The following C1orf141 variants were observed in gnomAD, a reference collection of about 807,000 sequenced individuals.
C1orf141 encodes uncharacterized protein C1orf141.
A neutral mutation model predicts 23.2 loss-of-function variants in C1orf141; 19 were observed. The ratio of observed to expected loss-of-function variants is 0.82; its 90% CI spans 0.57 to 1.20. The LOEUF (loss-of-function observed/expected upper bound fraction) is 1.20. Among genes scored for constraint, C1orf141 ranks in the 50% most tolerant of loss-of-function variants. C1orf141 has a pLI of 0.00. For synonymous variants in C1orf141, 153 were observed against 154.6 expected (o/e 0.99, Z 0.08); for missense variants, 469 against 455.1 (o/e 1.03, Z -0.28).
In C1orf141 at chr1:67,093,571, C is replaced by T. The variant is rs1336566416; in HGVS notation, c.637G>A (p.Asp213Asn). Reference protein sequence around the residue: ...QKDTNPIIFHDTEYVRMLLLT... With the variant: ...QKDTNPIIFHNTEYVRMLLLT... ...AGTAACATTCGTACATATTCTGTGTCATGGAAAATTATGGGATTTGTGTCC... is the reference window on the plus strand; with the variant it reads ...AGTAACATTCGTACATATTCTGTGTTATGGAAAATTATGGGATTTGTGTCC... The change falls in exon 8 of 8, where the codon GAC becomes AAC. Residue 213 changes from aspartate (D) to asparagine (N), a missense_variant. This residue lies in a region of C1orf141 where 370 missense variants were observed against 348.1 expected (regional missense o/e 1.06). Coordinates refer to ENST00000684719, the MANE Select transcript of C1orf141 (RefSeq NM_001276351.2). 1 of 1,574,670 alleles carries T rather than the reference C, an allele frequency of 6.4e-7. No homozygotes were observed. The highest frequency in any genetic ancestry group is 1.9e-5 in the Admixed American group (1 of 53,550).
chr1:67,109,326 CAAAAAAAAAAAAAA>C (rs58157985), intron 5 of C1orf141, among the ~76,000 whole-genome samples: 3 of 83,424 alleles, frequency 3.6e-5, no homozygotes, highest in South Asian at 4.5e-4. Context: ...GACTCCGTCT[CAAAAAAAAAAAAAA>C]AAAAAAAAAA....
At chr1:67,111,718 C>T in intron 5 of C1orf141, 2 of 569,708 alleles carry the variant, frequency 3.5e-6, no homozygotes, top group Non-Finnish European at 5.9e-6. Flanking sequence ...ATTTTCTCCA[C>T]TGCAGTAAAC....
At chr1:67,114,036 T>C (rs1448826605) in intron 5 of C1orf141, among the ~76,000 whole-genome samples, 1 of 152,168 alleles carries the variant, frequency 6.6e-6, no homozygotes. Context: ...GGAAGCTTCA[T>C]GGCTTGAGAT....
At chr1:67,105,523 A>G (rs1274426096) in intron 5 of C1orf141, among the ~76,000 whole-genome samples, 1 of 152,002 alleles carries the variant, frequency 6.6e-6, no homozygotes, top group Non-Finnish European at 1.5e-5. Flanking sequence ...AAAAATAGTA[A>G]AGACTGGGGA....
intron 1 of C1orf141, among the ~76,000 whole-genome samples, chr1:67,131,905 C>G (rs1225223488): frequency 6.6e-6 from 1 of 151,534 alleles, no homozygotes; most frequent in Non-Finnish European, 1.5e-5. Flanking sequence ...CTGCCTCAGC[C>G]TCCTGAGTAG....
chr1:67,103,525 A>G (rs971396186), intron 5 of C1orf141: 21 of 484,182 alleles, frequency 4.3e-5, no homozygotes, highest in African/African-American at 3.8e-4. Context: ...ATATTTTAAA[A>G]TGTGATTTAT....
Position 67,127,216 on chromosome 1 carries a change from A to T in C1orf141, c.25T>A (p.Leu9Met). MAEKILEK[L>M]DVLDKQAEII... The stretch of plus-strand genomic sequence containing the variant: ...TCTGCTTGCTTATCAAGGACATCCA[A>T]CTTCTCTAGGATTTTTTCTGCCATT... Residue 9 changes from leucine (L) to methionine (M), a missense_variant, in exon 3 of 8, where the codon TTG (leucine) becomes ATG (methionine). Around this residue, in one of 3 missense-constraint regions of C1orf141, gnomAD observed 95 missense variants for 90.3 expected, o/e 1.05. Transcript: ENST00000684719. 6.2e-7 allele frequency: 1 copy of T among 1,608,744 alleles called. No individual in the cohort carries two copies. Among genetic ancestry groups the T allele is most frequent in the East Asian group, 2.2e-5 (1 of 44,650 alleles).
At chr1:67,131,555 G>A (rs886090781) in intron 1 of C1orf141, among the ~76,000 whole-genome samples, 33 of 152,170 alleles carry the variant, frequency 2.2e-4, no homozygotes, top group African/African-American at 7.9e-4. Context: ...TGACATATGA[G>A]ACCATCCAAG....
In C1orf141 at chr1:67,092,977, A is replaced by T. The variant is rs771336991; in HGVS notation, c.*28T>A. On this transcript the variant is annotated 3_prime_UTR_variant, in exon 8 of 8. Transcript: ENST00000684719. ...GGAACTTGGATATTTGCTTCTTGTT[A>T]CTCAAATATTGCTGCATACATAATA... 6.6e-7 allele frequency: 1 copy of T among 1,508,522 alleles called. No individual in the cohort carries two copies. Among genetic ancestry groups the T allele is most frequent in the South Asian group, 1.3e-5 (1 of 79,108 alleles). The allele number at this position is 1,508,522 out of a possible 1,614,324, so 93.4% of individuals were successfully genotyped here. A position where few individuals can be genotyped will look rare whatever the true frequency, so the allele number is the denominator to read the frequency against.
intron 5 of C1orf141, among the ~76,000 whole-genome samples, chr1:67,107,747 G>C (rs10736407): frequency 0.88 from 133,788 of 151,948 alleles, 59,080 homozygotes; most frequent in East Asian, 0.97. Context: ...ACAATTAGCC[G>C]GGCGTGGTGG....
chr1:67,140,445 C>A (rs1254527508), intron 1 of C1orf141, among the ~76,000 whole-genome samples: 13 of 152,066 alleles, frequency 8.5e-5, no homozygotes, highest in Non-Finnish European at 1.8e-4. Context: ...TACAAATGAT[C>A]ATTAATTATA....
chr1:67,101,079 G>A (rs532016427), intron 5 of C1orf141, among the ~76,000 whole-genome samples: 3 of 151,986 alleles, frequency 2.0e-5, no homozygotes, highest in Non-Finnish European at 4.4e-5. Context: ...GTCAAGTAAG[G>A]GCCTCATGGC....
chr1:67,103,394 G>A, intron 5 of C1orf141: 1 of 1,345,016 alleles, frequency 7.4e-7, no homozygotes, highest in Non-Finnish European at 9.7e-7. Flanking sequence ...TAAACATCAG[G>A]AAAAATGGAA....
intron 4 of C1orf141, among the ~76,000 whole-genome samples, chr1:67,125,060 G>A (rs1433981013): frequency 6.6e-6 from 1 of 152,174 alleles, no homozygotes; most frequent in African/African-American, 2.4e-5. Flanking sequence ...GAAAGACCAA[G>A]TATGACATAT....
chr1:67,129,242 C>G (rs1054927558), intron 2 of C1orf141, among the ~76,000 whole-genome samples: 4 of 151,714 alleles, frequency 2.6e-5, no homozygotes, highest in African/African-American at 7.3e-5. Context: ...GATTGCTTGA[C>G]CCTAGGAGTT....
chr1:67,108,096 T>G (rs1270198071), intron 5 of C1orf141, among the ~76,000 whole-genome samples: 1 of 152,230 alleles, frequency 6.6e-6, no homozygotes, highest in Non-Finnish European at 1.5e-5. Flanking sequence ...AACCCCATCT[T>G]CATTCTTAAA....
At chr1:67,116,298 TTC>T (rs1402827483) in intron 4 of C1orf141, among the ~76,000 whole-genome samples, 3 of 152,284 alleles carry the variant, frequency 2.0e-5, no homozygotes, top group Middle Eastern at 6.8e-3. Context: ...TTATTTCTCT[TTC>T]TCTCTTTTTC....
At chr1:67,133,638 GT>G (rs1558209906) in intron 1 of C1orf141, among the ~76,000 whole-genome samples, 2 of 152,206 alleles carry the variant, frequency 1.3e-5, no homozygotes, top group African/African-American at 4.8e-5. Flanking sequence ...CATTTAAAGA[GT>G]AAAGTTAAAA....
At chr1:67,127,423 C>T (rs980845331) in intron 2 of C1orf141, among the ~76,000 whole-genome samples, 166 bp from the exon 3 acceptor site, 1 of 151,944 alleles carries the variant, frequency 6.6e-6, no homozygotes, top group Non-Finnish European at 1.5e-5. Flanking sequence ...CAAGTTTTTT[C>T]AATTGAAGGC....
Sources: gnomAD v4.1 joint callset for allele counts (sites outside exome capture counted in the v4.1 genomes callset) on GRCh38, gnomAD v4.1.1 for gene constraint, gnomAD v4.1.1 regional missense constraint, MANE v1.5 for transcripts, NCBI Gene and HGNC (gene_info 2026-07-23, HGNC 2026-07-21) for gene names.